The following CAMK2G variants were observed in gnomAD, a reference collection of about 807,000 sequenced individuals.
CAMK2G encodes the protein calcium/calmodulin-dependent protein kinase type II subunit gamma.
In CAMK2G, 23 loss-of-function variants were observed where a neutral mutation model predicts 88.7. That is an observed-to-expected ratio of 0.26 (90% CI 0.19 to 0.37). The LOEUF is 0.37. CAMK2G is among the 10% of genes least tolerant of loss of function. The probability of loss-of-function intolerance (pLI) is 1.00; values close to 1 mark genes in which losing one functional copy is unlikely to be tolerated. For missense variants in CAMK2G, 476 were observed against 780.8 expected (o/e 0.61, Z 4.65); for synonymous variants, 263 against 294.8 (o/e 0.89, Z 1.11).
At chr10:73,871,744 A>G (rs1235947587) in intron 2 of CAMK2G, among the ~76,000 whole-genome samples, 1 of 152,138 alleles carries the variant, frequency 6.6e-6, no homozygotes, top group Non-Finnish European at 1.5e-5. Flanking sequence ...ATGTACACGA[A>G]CAGCAAGAGA....
At chr10:73,837,400 T>C in intron 14 of CAMK2G, 68 bp downstream of exon 14, 2 of 1,217,016 alleles carry the variant, frequency 1.6e-6, no homozygotes, top group South Asian at 2.4e-5. Flanking sequence ...GGGAACCAGG[T>C]GCCAAGAATT....
At position 73,842,291 on chromosome 10, in the gene CAMK2G, G is replaced by A; in HGVS notation, c.904-80C>T. On this transcript the variant is annotated intron_variant, in intron 11 of 22. Coordinates refer to ENST00000423381, the MANE Select transcript of CAMK2G (RefSeq NM_001367534.1). This position sits in a 1 kb window ranked among gnomAD's most constrained non-coding sequence, Gnocchi z 4.6. ...TGGTCTCAGGCAAAGGCAGGTCCTG[G>A]CTAGAGCCTGAAGACATCAGGCCTC... 1.5e-6 allele frequency: 2 copies of A among 1,305,898 alleles called. No individual in the cohort carries two copies. The highest frequency in any genetic ancestry group is 2.2e-6 in the Non-Finnish European group (2 of 898,908). 80.9% of individuals were successfully genotyped at this position (1,305,898 alleles called of 1,614,324 possible). A position where few individuals can be genotyped will look rare whatever the true frequency, so the allele number is the denominator to read the frequency against.
intron 3 of CAMK2G, among the ~76,000 whole-genome samples, chr10:73,857,122 A>G (rs2095093902): frequency 6.6e-6 from 1 of 152,088 alleles, no homozygotes; most frequent in South Asian, 2.1e-4. Context: ...TCATGATTCA[A>G]TGTTTCTTTT....
At chr10:73,815,369 G>GCCCCCCCCCCCCCCCCCCCC (rs57601302) in intron 21 of CAMK2G, 122 bp from the exon 22 acceptor site, 1 of 619,306 alleles carries the variant, frequency 1.6e-6, no homozygotes, top group African/African-American at 2.1e-5. Flanking sequence ...TCCAAGTACC[G>GCCCCCCCCCCCCCCCCCCCC]CCCCCCCCCA....
At chr10:73,837,320 T>G in intron 14 of CAMK2G, 148 bp downstream of exon 14, 2 of 759,536 alleles carry the variant, frequency 2.6e-6, no homozygotes, top group Non-Finnish European at 4.9e-6. Flanking sequence ...CAGCAGAACC[T>G]TCTGTTCTGA....
At chr10:73,852,731 A>G (rs1277919702) in intron 4 of CAMK2G, 3 of 236,448 alleles carry the variant, frequency 1.3e-5, no homozygotes, top group Non-Finnish European at 2.5e-5. Flanking sequence ...CCCAACCCTG[A>G]GAATCCTGGA....
At chr10:73,824,414 C>T (rs2090215522) in intron 16 of CAMK2G, among the ~76,000 whole-genome samples, 1 of 152,170 alleles carries the variant, frequency 6.6e-6, no homozygotes, top group Non-Finnish European at 1.5e-5. Flanking sequence ...GGGGCAGGTA[C>T]ACTAGAGGAG....
At chr10:73,847,185 G>A in intron 10 of CAMK2G, 40 bp downstream of exon 10, 1 of 1,608,032 alleles carries the variant, frequency 6.2e-7, no homozygotes, top group Non-Finnish European at 8.5e-7. Context: ...ACAGAAGGCT[G>A]ACACCCCTGA....
intron 3 of CAMK2G, among the ~76,000 whole-genome samples, chr10:73,857,285 T>C (rs1368791650): frequency 6.6e-6 from 1 of 152,050 alleles, no homozygotes; most frequent in African/African-American, 2.4e-5. Flanking sequence ...ATTTTCATCA[T>C]CTCCCTCCTA....
At chr10:73,874,233 A>T (rs1228891916) in intron 1 of CAMK2G, among the ~76,000 whole-genome samples, 164 bp downstream of exon 1, 27 of 107,340 alleles carry the variant, frequency 2.5e-4, no homozygotes, top group Admixed American at 4.5e-4. Context: ...GATGCGGGGC[A>T]GTGCGCGGGG....
chr10:73,839,931 T>G lies in CAMK2G; in HGVS notation c.947-330A>C, dbSNP rs1260820124. 6.6e-6 allele frequency among the ~76,000 whole-genome samples: 1 copy of G among 152,136 alleles called. No homozygotes were observed. The highest frequency in any genetic ancestry group is 1.5e-5 in the Non-Finnish European group (1 of 67,990). On this transcript the variant is annotated intron_variant, in intron 12 of 22. Transcript: ENST00000423381. The surrounding 1 kb of genome is among the most constrained non-coding windows in gnomAD (Gnocchi z 4.2). ...TGAGAGGCAGGTGCCCCTTCTGAGG[T>G]AGCCCGGCCCTAGCTTAAGGCTGTG...
Position 73,842,549 on chromosome 10 carries a change from CCAAA to C in CAMK2G, c.820-12_820-9del, listed in dbSNP as rs1238035614. 1.2e-6 allele frequency: 2 copies of C among 1,606,716 alleles called. No individual in the cohort carries two copies. Among genetic ancestry groups the C allele is most frequent in the Non-Finnish European group, 1.7e-6 (2 of 1,173,360 alleles). On this transcript the variant is annotated splice_polypyrimidine_tract_variant and intron_variant, in intron 10 of 22. Transcript: ENST00000423381. The surrounding 1 kb of genome is among the most constrained non-coding windows in gnomAD (Gnocchi z 4.6). ...TGCCACCGTGGATCGTTGCTAGAAA[CCAAA>C]CAGACAGGCTATGAGCCCCAGCCCA...
chr10:73,841,822 T>A (rs1379514606), intron 12 of CAMK2G: 1 of 233,488 alleles, frequency 4.3e-6, no homozygotes, highest in Admixed American at 5.1e-5. Context: ...ATCTCTCTTT[T>A]CTTCCCCCAG....
intron 20 of CAMK2G, 61 bp from the exon 21 acceptor site, chr10:73,817,178 C>T: frequency 6.5e-7 from 1 of 1,547,064 alleles, no homozygotes; most frequent in East Asian, 2.2e-5. Flanking sequence ...GTCTTCCTTC[C>T]TTATCAGCGG....
rs554025499 is a variant in CAMK2G, at chr10:73,826,909, G to A, written c.1086+1180C>T. ...AAGCCAGGCACCAAGTGACTCCACT[G>A]AACAAGACTCCACAGACTGCGACAG... On this transcript the variant is annotated intron_variant, in intron 15 of 22. Coordinates refer to ENST00000423381, the MANE Select transcript of CAMK2G (RefSeq NM_001367534.1). Among the ~76,000 whole-genome samples the A allele has an allele frequency of 1.3e-4, 20 of 152,296 alleles. 1 individual carries two copies. Among genetic ancestry groups the A allele is most frequent in the Non-Finnish European group, 2.5e-4 (17 of 68,028 alleles).
At chr10:73,828,313 G>A (rs2091643706) in intron 14 of CAMK2G, among the ~76,000 whole-genome samples, 192 bp from the exon 15 acceptor site, 1 of 152,170 alleles carries the variant, frequency 6.6e-6, no homozygotes, top group Non-Finnish European at 1.5e-5. Flanking sequence ...TCCAGACCCT[G>A]GGAGGGAAGA....
rs1030549842 is a variant in CAMK2G, at chr10:73,839,433, C to G, written c.1009+106G>C. ...TGTCTGGCATGCCCATCTCAGCCCG[C>G]AAGCATGGGACTCGCCTCCCTGGTG... is the stretch of plus-strand genomic sequence containing the variant. On this transcript the variant is annotated intron_variant, in intron 13 of 22. Coordinates refer to ENST00000423381, the MANE Select transcript of CAMK2G (RefSeq NM_001367534.1). This position sits in a 1 kb window ranked among gnomAD's most constrained non-coding sequence, Gnocchi z 4.2. 2 of 558,648 alleles carry G rather than the reference C, an allele frequency of 3.6e-6. No homozygotes were observed. Among genetic ancestry groups the G allele is most frequent in the African/African-American group, 1.9e-5 (1 of 51,476 alleles). 34.6% of individuals were successfully genotyped at this position (558,648 alleles called of 1,614,324 possible).
intron 14 of CAMK2G, among the ~76,000 whole-genome samples, chr10:73,833,691 A>AAGGT (rs1169769199): frequency 2.7e-5 from 4 of 149,360 alleles, no homozygotes; most frequent in Admixed American, 6.7e-5. Flanking sequence ...TGCCCCCCGC[A>AAGGT]AGGTTCAAGT....
In CAMK2G at chr10:73,815,118, C is replaced by T. The variant is rs375403347; in HGVS notation, c.1664G>A (p.Arg555His). ...TQYIDGQGRP[R>H]TSQSEETRVW... ...CCGGGTCTCTTCTGACTGGCTGGTGCGAGGCCGACCCTGCCCGTCGATGTA... is the reference window on the plus strand; with the variant it reads ...CCGGGTCTCTTCTGACTGGCTGGTGTGAGGCCGACCCTGCCCGTCGATGTA... The change falls in exon 22 of 23, where the codon CGC becomes CAC. Residue 555 changes from arginine to histidine, a missense_variant. Arg to His is a conservative substitution (Grantham distance 29). Transcript: ENST00000423381. 11 of 1,613,964 alleles carry T rather than the reference C, an allele frequency of 6.8e-6. No homozygotes were observed. The highest frequency in any genetic ancestry group is 3.3e-5 in the South Asian group (3 of 91,092).
Sources: allele counts gnomAD v4.1 joint callset (sites outside exome capture counted in the v4.1 genomes callset), GRCh38; gene constraint gnomAD v4.1.1; non-coding constraint Gnocchi (gnomAD v3.1); transcripts MANE v1.5; gene names NCBI Gene and HGNC (gene_info 2026-07-23, HGNC 2026-07-21).